Variants in RABGEF1 observed in about 807,000 individuals in gnomAD.
RABGEF1 encodes the protein RAB guanine nucleotide exchange factor 1.
In RABGEF1, 26 loss-of-function variants were observed where a neutral mutation model predicts 57.3. That is an observed-to-expected ratio of 0.45 (90% CI 0.33 to 0.63). The LOEUF is 0.63. RABGEF1 is among the 20% of genes least tolerant of loss of function. RABGEF1 has a pLI of 0.02. For synonymous variants in RABGEF1, 185 were observed against 210.7 expected, an observed-to-expected ratio of 0.88 and a Z score of 1.06; for missense variants, 464 against 607.6, an observed-to-expected ratio of 0.76 and a Z score of 2.48.
the RABGEF1 span, among the ~76,000 whole-genome samples, chr7:66,663,169 C>T: frequency 6.6e-6 from 1 of 152,250 alleles, no homozygotes; most frequent in African/African-American, 2.4e-5. Flanking sequence ...TAATTCAGCC[C>T]ATCCCTTCGT....
chr7:66,655,825 G>T, the RABGEF1 span, among the ~76,000 whole-genome samples: 1 of 152,208 alleles, frequency 6.6e-6, no homozygotes, highest in Non-Finnish European at 1.5e-5. Flanking sequence ...AAATGTTCAG[G>T]ATTTGAATTT....
intron 3 of RABGEF1, among the ~76,000 whole-genome samples, chr7:66,777,789 A>C (rs940091172): frequency 6.6e-6 from 1 of 152,142 alleles, no homozygotes; most frequent in Non-Finnish European, 1.5e-5. Flanking sequence ...TGAGACACCA[A>C]CATTAAAAAA....
At chr7:66,663,190 G>A in the RABGEF1 span, among the ~76,000 whole-genome samples, 6 of 152,198 alleles carry the variant, frequency 3.9e-5, no homozygotes, top group African/African-American at 1.4e-4. Flanking sequence ...TTCCCATAAG[G>A]GATACTTTTA....
chr7:66,733,830 C>T (rs557186764), intron 2 of RABGEF1, among the ~76,000 whole-genome samples: 197 of 152,206 alleles, frequency 1.3e-3, no homozygotes, highest in Non-Finnish European at 2.2e-3. Context: ...TAGTGAAACC[C>T]CGTCTCTACC....
At chr7:66,744,184 T>C (rs1288049214) in intron 1 of RABGEF1, among the ~76,000 whole-genome samples, 1 of 151,700 alleles carries the variant, frequency 6.6e-6, no homozygotes, top group Non-Finnish European at 1.5e-5. Flanking sequence ...TGACCATAGA[T>C]AGGCGCGCGC....
At chr7:66,673,449 G>A in the RABGEF1 span, among the ~76,000 whole-genome samples, 5 of 151,694 alleles carry the variant, frequency 3.3e-5, no homozygotes, top group Admixed American at 1.3e-4. Context: ...CTCTGGCAGC[G>A]GTGGCTACTT....
intron 4 of RABGEF1, among the ~76,000 whole-genome samples, chr7:66,792,697 TAGAA>T (rs1346967615): frequency 6.6e-6 from 1 of 152,058 alleles, no homozygotes; most frequent in Non-Finnish European, 1.5e-5. Flanking sequence ...CACAGATAGG[TAGAA>T]AGAGATCTAT....
At chr7:66,740,460 G>C (rs1002920726), upstream of RABGEF1, 1 of 151,888 alleles carries the variant, frequency 6.6e-6, no homozygotes, top group Non-Finnish European at 1.5e-5. Flanking sequence ...CCGGAAGCAG[G>C]GACTGAGCGA....
At chr7:66,693,070 C>T (rs1361872645) in intron 1 of RABGEF1, among the ~76,000 whole-genome samples, 1 of 152,194 alleles carries the variant, frequency 6.6e-6, no homozygotes. Flanking sequence ...GTGGCCTTCA[C>T]TCAGCTGAAA....
chr7:66,684,704 G>A (rs1435820269), intron 1 of RABGEF1, among the ~76,000 whole-genome samples: 1 of 152,098 alleles, frequency 6.6e-6, no homozygotes, highest in East Asian at 1.9e-4. Flanking sequence ...GCCTGATCTT[G>A]GCTCACTGCA....
At chr7:66,805,030 A>C in intron 7 of RABGEF1, 110 bp from the exon 8 acceptor site, 1 of 1,202,118 alleles carries the variant, frequency 8.3e-7, no homozygotes, top group South Asian at 1.5e-5. Context: ...CTGCTGGAAA[A>C]GGGGTTAATA....
intron 2 of RABGEF1, among the ~76,000 whole-genome samples, chr7:66,723,578 TTTTG>T (rs1236820718): frequency 1.3e-5 from 2 of 152,162 alleles, no homozygotes; most frequent in African/African-American, 2.4e-5. Context: ...TTTTTTTTGT[TTTTG>T]TTTTTGTTTT....
At chr7:66,805,013 A>C in intron 7 of RABGEF1, 127 bp from the exon 8 acceptor site, 3 of 1,047,242 alleles carry the variant, frequency 2.9e-6, no homozygotes, top group Non-Finnish European at 4.1e-6. Flanking sequence ...ATTATATACT[A>C]AGTTAACTGC....
At chr7:66,780,092 G>A (rs753617912) in intron 3 of RABGEF1, among the ~76,000 whole-genome samples, 8 of 152,286 alleles carry the variant, frequency 5.3e-5, no homozygotes, top group Non-Finnish European at 1.2e-4. Flanking sequence ...GTATGTGTGG[G>A]AGGGAGGCAT....
In RABGEF1 at chr7:66,797,772, G is replaced by A. The variant is rs879910569; in HGVS notation, c.728+266G>A. Among the ~76,000 whole-genome samples, 22 of 152,286 alleles carry A rather than the reference G, an allele frequency of 1.4e-4. No homozygotes were observed. The East Asian group carries it at 3.5e-3, about 24-fold the overall frequency. On this transcript the variant is annotated intron_variant, in intron 6 of 8. Coordinates refer to ENST00000284957, the MANE Select transcript of RABGEF1 (RefSeq NM_014504.3). ...AATCCCTGAAATCTCCAAGGAATAG[G>A]GGGACTGTGTTCTTGGTCCATTACC...
At chr7:66,733,001 C>T (rs145524137) in intron 2 of RABGEF1, among the ~76,000 whole-genome samples, 278 of 152,290 alleles carry the variant, frequency 1.8e-3, no homozygotes, top group African/African-American at 6.0e-3. Context: ...TTTAGCCTGA[C>T]GCCCTTCCCC....
intron 7 of RABGEF1, among the ~76,000 whole-genome samples, chr7:66,800,475 G>A (rs1048040414): frequency 6.6e-6 from 1 of 152,118 alleles, no homozygotes; most frequent in African/African-American, 2.4e-5. Context: ...GTAATTTCTT[G>A]TGCAAGTTCT....
upstream of RABGEF1, among the ~76,000 whole-genome samples, chr7:66,680,364 CCT>C: frequency 6.6e-6 from 1 of 151,980 alleles, no homozygotes; most frequent in South Asian, 2.1e-4. Flanking sequence ...CCTGCCTCAA[CCT>C]CCCAAGTAGC....
the RABGEF1 span, among the ~76,000 whole-genome samples, chr7:66,660,168 A>C: frequency 6.6e-6 from 1 of 152,030 alleles, no homozygotes; most frequent in African/African-American, 2.4e-5. Context: ...TAACACGGTG[A>C]AACCCCATCT....
Sources: gnomAD v4.1 joint callset for allele counts (sites outside exome capture counted in the v4.1 genomes callset) on GRCh38, gnomAD v4.1.1 for gene constraint, MANE v1.5 for transcripts, NCBI Gene and HGNC (gene_info 2026-07-23, HGNC 2026-07-21) for gene names.